SOX5: variants seen among roughly 807,000 people sequenced by gnomAD.
SOX5 encodes the protein SRY-box transcription factor 5.
In SOX5, 9 loss-of-function variants were observed where a neutral mutation model predicts 92.0. The ratio of observed to expected loss-of-function variants is 0.10; its 90% CI spans 0.06 to 0.17. SOX5 has a LOEUF of 0.17. Among genes scored for constraint, SOX5 ranks in the 10% least tolerant of loss-of-function variants. SOX5 has a pLI of 1.00. For synonymous variants in SOX5, 344 were observed against 336.3 expected, an observed-to-expected ratio of 1.02 and a Z score of -0.25; for missense variants, 642 against 944.5, an observed-to-expected ratio of 0.68 and a Z score of 4.20.
At chr12:24,379,286 G>A (rs903884161) in intron 1 of SOX5, among the ~76,000 whole-genome samples, 1 of 152,178 alleles carries the variant, frequency 6.6e-6, no homozygotes, top group Non-Finnish European at 1.5e-5. Flanking sequence ...GCCAAATAGA[G>A]TGAAAGTTAA....
At chr12:23,706,945 T>G (rs913865050) in intron 6 of SOX5, among the ~76,000 whole-genome samples, 5 of 152,066 alleles carry the variant, frequency 3.3e-5, no homozygotes, top group Non-Finnish European at 7.4e-5. Context: ...ACTAATATGT[T>G]TATAAACCTC....
intron 1 of SOX5, among the ~76,000 whole-genome samples, chr12:24,449,250 ACT>A (rs1221488470): frequency 2.0e-5 from 3 of 152,088 alleles, no homozygotes; most frequent in African/African-American, 7.2e-5. Flanking sequence ...CTAATTCCTT[ACT>A]CTGTGTTCTC....
At position 23,616,804 on chromosome 12, in the gene SOX5, G is replaced by C. The variant is rs527699478; in HGVS notation, c.1018-12271C>G. 5.9e-5 allele frequency among the ~76,000 whole-genome samples: 9 copies of C among 152,176 alleles called. No individual in the cohort carries two copies. The East Asian group carries it at 1.7e-3, about 30-fold the overall frequency. ...CTTGAGTGGACAAAGGCCTCAAAAG[G>C]CTGAAGAGTTAGTTGGTATCACCAG... On this transcript the variant is annotated intron_variant, in intron 8 of 14. Transcript: ENST00000451604.
intron 4 of SOX5, among the ~76,000 whole-genome samples, chr12:24,110,997 C>A (rs535988365): frequency 2.0e-5 from 3 of 151,224 alleles, no homozygotes; most frequent in Non-Finnish European, 4.4e-5. Flanking sequence ...GATTTCTCGA[C>A]CCTTGGCATT....
At chr12:23,721,996 T>A (rs1191601632) in intron 6 of SOX5, among the ~76,000 whole-genome samples, 2 of 152,196 alleles carry the variant, frequency 1.3e-5, no homozygotes, top group Non-Finnish European at 2.9e-5. Flanking sequence ...TAAATATCAT[T>A]GAGAAATACT....
chr12:24,401,212 C>T (rs1412101715), intron 1 of SOX5, among the ~76,000 whole-genome samples: 3 of 151,958 alleles, frequency 2.0e-5, no homozygotes, highest in Middle Eastern at 3.2e-3. Context: ...ATTAGCCGGT[C>T]CTGGTGGCGT....
rs564341353 is a variant in SOX5, at chr12:24,115,098, A to T, written c.-2+98245T>A. On this transcript the variant is annotated intron_variant, in intron 4 of 4. Coordinates refer to the SOX5 transcript ENST00000446891. ...TATAAGAGAAGAGCTATAAAGAATCAATATAAAATGTTTAATACAAAAAAG... is the reference window on the plus strand; with the variant it reads ...TATAAGAGAAGAGCTATAAAGAATCTATATAAAATGTTTAATACAAAAAAG... 4.6e-5 allele frequency among the ~76,000 whole-genome samples: 7 copies of T among 152,328 alleles called. No homozygotes were observed. The South Asian group carries it at 6.2e-4, about 14-fold the overall frequency.
intron 4 of SOX5, among the ~76,000 whole-genome samples, chr12:23,981,212 T>C (rs1246442930): frequency 6.6e-6 from 1 of 152,160 alleles, no homozygotes; most frequent in Non-Finnish European, 1.5e-5. Context: ...CCAAAATTCT[T>C]AGTGGAGGAC....
upstream of SOX5, among the ~76,000 whole-genome samples, chr12:23,954,353 C>T (rs533016434): frequency 7.0e-4 from 106 of 151,628 alleles, no homozygotes; most frequent in Admixed American, 1.2e-3. Flanking sequence ...ATTTTATTGC[C>T]TTAAGGTGAC....
chr12:24,329,087 A>T (rs537760335), intron 2 of SOX5, among the ~76,000 whole-genome samples: 9 of 152,362 alleles, frequency 5.9e-5, no homozygotes, highest in African/African-American at 2.2e-4. Context: ...CTTATAGGTC[A>T]TATACTAAAA....
At chr12:23,855,945 G>C (rs1189701042) in intron 2 of SOX5, among the ~76,000 whole-genome samples, 1 of 152,094 alleles carries the variant, frequency 6.6e-6, no homozygotes, top group South Asian at 2.1e-4. Flanking sequence ...TCTCAATAGA[G>C]AACTATGTTT....
chr12:23,790,407 A>C (rs1411881773), intron 3 of SOX5, among the ~76,000 whole-genome samples: 1 of 152,172 alleles, frequency 6.6e-6, no homozygotes. Flanking sequence ...TCGATACCAT[A>C]CATTCAATAA....
At chr12:24,505,860 T>TGTGCGCGC (rs1555327821) in intron 1 of SOX5, among the ~76,000 whole-genome samples, 1 of 123,842 alleles carries the variant, frequency 8.1e-6, no homozygotes, top group Non-Finnish European at 1.9e-5. Flanking sequence ...TGTGCGTGTG[T>TGTGCGCGC]GTGTGTGTGT....
At chr12:24,398,536 A>C (rs1002995137) in intron 1 of SOX5, among the ~76,000 whole-genome samples, 1 of 152,172 alleles carries the variant, frequency 6.6e-6, no homozygotes, top group African/African-American at 2.4e-5. Context: ...TTTATCACTG[A>C]GATTCAGAAA....
intron 4 of SOX5, among the ~76,000 whole-genome samples, chr12:24,068,704 GTATATATATATA>G (rs1164844032): frequency 0.047 from 3,448 of 74,068 alleles, 91 homozygotes; most frequent in East Asian, 0.095. Flanking sequence ...GTGTGTGTGT[GTATATATATATA>G]TATATATATA....
chr12:24,138,545 G>A (rs1468393017), intron 4 of SOX5, among the ~76,000 whole-genome samples: 1 of 152,232 alleles, frequency 6.6e-6, no homozygotes, highest in Non-Finnish European at 1.5e-5. Flanking sequence ...CAGATCTAGA[G>A]AACAGGACAG....
chr12:24,415,095 TC>T (rs1003618851), intron 1 of SOX5, among the ~76,000 whole-genome samples: 9 of 152,054 alleles, frequency 5.9e-5, no homozygotes, highest in East Asian at 1.9e-4. Context: ...TCTGTGTAAA[TC>T]CCCCCCTGCT....
chr12:24,209,028 A>T (rs1159476535), intron 4 of SOX5, among the ~76,000 whole-genome samples: 1 of 152,252 alleles, frequency 6.6e-6, no homozygotes, highest in Non-Finnish European at 1.5e-5. Context: ...GCTTTAGGGA[A>T]ATTTGTACAT....
intron 2 of SOX5, chr12:24,331,284 T>G (rs548227502): frequency 6.6e-6 from 1 of 152,362 alleles, no homozygotes; most frequent in Non-Finnish European, 1.5e-5. Context: ...CACCTGCTAT[T>G]TTTAGCTCAA....
Sources: allele counts gnomAD v4.1 joint callset (sites outside exome capture counted in the v4.1 genomes callset), GRCh38; gene constraint gnomAD v4.1.1; transcripts MANE v1.5; gene names NCBI Gene and HGNC (gene_info 2026-07-23, HGNC 2026-07-21).